Variants in CHN1 observed in about 807,000 individuals in gnomAD.
CHN1 encodes chimerin 1.
In CHN1, 37 loss-of-function variants were observed where a neutral mutation model predicts 59.5. The ratio of observed to expected loss-of-function variants is 0.62; its 90% CI spans 0.48 to 0.82. The LOEUF (loss-of-function observed/expected upper bound fraction) is 0.82. CHN1 is among the 40% of genes least tolerant of loss of function. CHN1 has a pLI of 0.00. For synonymous variants in CHN1, 206 were observed against 200.4 expected (o/e 1.03, Z -0.24); for missense variants, 469 against 571.0 (o/e 0.82, Z 1.82).
chr2:174,803,049 T>TA lies in CHN1; in HGVS notation c.1103-1238dup, dbSNP rs772677989. ...GCAAGAATCCATCTTGGGGGGGAAT[T>TA]AAAAAAAGGTGGGTTTCAAGGTAAT... On this transcript the variant is annotated intron_variant, in intron 11 of 12. Transcript: ENST00000409900. 3.6e-4 allele frequency among the ~76,000 whole-genome samples: 54 copies of TA among 151,662 alleles called. 1 individual carries two copies. Among genetic ancestry groups the TA allele is most frequent in the Non-Finnish European group, 7.2e-4 (49 of 67,864 alleles).
intron 7 of CHN1, among the ~76,000 whole-genome samples, chr2:174,843,891 C>T (rs1018734241): frequency 2.0e-5 from 3 of 151,990 alleles, no homozygotes; most frequent in African/African-American, 7.2e-5. Context: ...CAGAAAGCCT[C>T]AGAATGCATG....
chr2:174,943,259 TTC>T (rs986627888), intron 3 of CHN1, among the ~76,000 whole-genome samples: 6 of 151,778 alleles, frequency 4.0e-5, no homozygotes, highest in African/African-American at 1.5e-4. Flanking sequence ...TGGAGTCTTG[TTC>T]TGTTGCCCAG....
At chr2:174,917,552 A>C (rs1008436725) in intron 4 of CHN1, among the ~76,000 whole-genome samples, 11 of 152,260 alleles carry the variant, frequency 7.2e-5, no homozygotes, top group African/African-American at 2.4e-4. Context: ...TTGATCAAAA[A>C]TTTCTAACCC....
rs147874097 is a variant in CHN1, at chr2:174,940,673, T to C, written c.114+4215A>G. ...TTTGGCAAAAATATTATACAGGTGA[T>C]ACCGTGTGTTTCACTGTATCACTTC... On this transcript the variant is annotated intron_variant, in intron 3 of 12. Transcript: ENST00000409900. 3.7e-3 allele frequency among the ~76,000 whole-genome samples: 569 copies of C among 152,318 alleles called. 4 individuals are homozygous for C. The highest frequency in any genetic ancestry group is 0.013 in the African/African-American group (545 of 41,570).
At chr2:174,904,178 G>T (rs548077659) in intron 5 of CHN1, among the ~76,000 whole-genome samples, 5 of 151,846 alleles carry the variant, frequency 3.3e-5, no homozygotes, top group Non-Finnish European at 7.4e-5. Flanking sequence ...CAGGAGAATC[G>T]CTTGAACCCG....
At chr2:174,970,877 T>C (rs1016024776) in intron 1 of CHN1, among the ~76,000 whole-genome samples, 8 of 152,208 alleles carry the variant, frequency 5.3e-5, no homozygotes, top group Non-Finnish European at 1.2e-4. Context: ...TATATCTGTA[T>C]AAGGCCAGAT....
At chr2:174,981,885 T>C (rs1016677026) in intron 1 of CHN1, among the ~76,000 whole-genome samples, 223 of 152,278 alleles carry the variant, frequency 1.5e-3, no homozygotes, top group Non-Finnish European at 5.3e-4. Flanking sequence ...CATGTTGGTG[T>C]GCTGCACCCA....
At chr2:174,927,744 T>C (rs969834575) in intron 3 of CHN1, among the ~76,000 whole-genome samples, 5 of 152,220 alleles carry the variant, frequency 3.3e-5, no homozygotes, top group East Asian at 1.9e-4. Flanking sequence ...GTGGTAGTCA[T>C]TGGGTCAGAA....
At chr2:174,923,333 G>A (rs1262554015) in intron 3 of CHN1, among the ~76,000 whole-genome samples, 1 of 151,960 alleles carries the variant, frequency 6.6e-6, no homozygotes, top group Non-Finnish European at 1.5e-5. Flanking sequence ...GTAGAGACGG[G>A]GTTTCACCGT....
chr2:174,827,967 G>A (rs1483091097), intron 7 of CHN1, among the ~76,000 whole-genome samples: 3 of 152,278 alleles, frequency 2.0e-5, no homozygotes, highest in Non-Finnish European at 2.9e-5. Flanking sequence ...ATGGAGCAAG[G>A]CTCTGGAGAA....
intron 3 of CHN1, among the ~76,000 whole-genome samples, chr2:174,930,446 C>T (rs1258918550): frequency 6.6e-6 from 1 of 152,066 alleles, no homozygotes; most frequent in Non-Finnish European, 1.5e-5. Flanking sequence ...TACCGGTGGG[C>T]TTACAAAAAG....
intron 6 of CHN1, among the ~76,000 whole-genome samples, chr2:174,871,858 T>C (rs1299244472): frequency 6.6e-6 from 1 of 152,372 alleles, no homozygotes; most frequent in East Asian, 1.9e-4. Flanking sequence ...CCTAGCCTGT[T>C]TCCTTGCAAA....
chr2:174,889,460 A>G (rs888811925), intron 5 of CHN1, among the ~76,000 whole-genome samples: 4 of 152,218 alleles, frequency 2.6e-5, no homozygotes, highest in Non-Finnish European at 4.4e-5. Flanking sequence ...GATCTACAAG[A>G]CAGCACAGAT....
chr2:174,995,173 T>C (rs1180446169), intron 1 of CHN1, among the ~76,000 whole-genome samples: 1 of 152,238 alleles, frequency 6.6e-6, no homozygotes, highest in East Asian at 1.9e-4. Context: ...TTTACAGTCC[T>C]TGATAAATTT....
Position 174,877,854 on chromosome 2 carries a change from C to A in CHN1, c.535G>T (p.Val179Leu), listed in dbSNP as rs368672805. 1 of 1,611,904 alleles carries A rather than the reference C, an allele frequency of 6.2e-7. No individual in the cohort carries two copies. The highest frequency in any genetic ancestry group is 8.5e-7 in the Non-Finnish European group (1 of 1,178,762). ...TAGTAGCTTACCCTTTTCTCTGACACCCCATCCTGGCCTGTAGAATCTCTC... is the reference window on the plus strand; with the variant it reads ...TAGTAGCTTACCCTTTTCTCTGACAACCCATCCTGGCCTGTAGAATCTCTC... ...DERDSTGQDG[V>L]SEKRLTSLVR... Residue 179 changes from valine to leucine, a missense_variant, in exon 6 of 13, where the codon GTG becomes TTG. By Grantham distance (32) the Val-to-Leu change is conservative. Coordinates refer to ENST00000409900, the MANE Select transcript of CHN1 (RefSeq NM_001822.7).
intron 5 of CHN1, among the ~76,000 whole-genome samples, chr2:174,890,127 G>A (rs1476342900): frequency 6.6e-6 from 1 of 152,122 alleles, no homozygotes; most frequent in Non-Finnish European, 1.5e-5. Flanking sequence ...GAAAGATAGA[G>A]AGTGGCTGAA....
chr2:174,871,467 A>T (rs1228860276), intron 6 of CHN1, among the ~76,000 whole-genome samples: 2 of 152,190 alleles, frequency 1.3e-5, no homozygotes, highest in Non-Finnish European at 2.9e-5. Flanking sequence ...TCATTTATGT[A>T]GTCAGTCAAC....
intron 1 of CHN1, among the ~76,000 whole-genome samples, chr2:174,984,129 TGAA>T (rs1436284441): frequency 6.6e-6 from 1 of 152,052 alleles, no homozygotes; most frequent in Non-Finnish European, 1.5e-5. Context: ...TAGGCACGTT[TGAA>T]AGCTCAATCT....
chr2:174,988,442 ATT>A (rs1463279391), intron 1 of CHN1, among the ~76,000 whole-genome samples: 5 of 151,980 alleles, frequency 3.3e-5, no homozygotes, highest in African/African-American at 1.2e-4. Context: ...ATTTGATGGC[ATT>A]TTTAATTGTC....
Sources: allele counts gnomAD v4.1 joint callset (sites outside exome capture counted in the v4.1 genomes callset), GRCh38; gene constraint gnomAD v4.1.1; transcripts MANE v1.5; gene names NCBI Gene and HGNC (gene_info 2026-07-23, HGNC 2026-07-21).